The following ARID4B variants were observed in gnomAD, a reference collection of about 807,000 sequenced individuals.
ARID4B encodes AT-rich interactive domain-containing protein 4B.
Under a neutral mutation model 147.5 loss-of-function variants are expected in ARID4B, and 26 were observed. The ratio of observed to expected loss-of-function variants is 0.18; its 90% CI spans 0.13 to 0.24. The LOEUF (loss-of-function observed/expected upper bound fraction) is 0.24. ARID4B is among the 10% of genes least tolerant of loss of function. The probability of loss-of-function intolerance (pLI) is 1.00; values close to 1 mark genes in which losing one functional copy is unlikely to be tolerated. For synonymous variants in ARID4B, 512 were observed against 507.9 expected, an observed-to-expected ratio of 1.01 and a Z score of -0.11; for missense variants, 1,179 against 1,511.5, an observed-to-expected ratio of 0.78 and a Z score of 3.65.
At chr1:235,262,291 T>C (rs1386326383) in intron 2 of ARID4B, among the ~76,000 whole-genome samples, 4 of 152,176 alleles carry the variant, frequency 2.6e-5, no homozygotes, top group Non-Finnish European at 1.5e-5. Flanking sequence ...CACAATTATA[T>C]CAGACCTCCA....
At chr1:235,175,036 G>A (rs1663759167) in intron 22 of ARID4B, 148 bp downstream of exon 22, 1 of 683,156 alleles carries the variant, frequency 1.5e-6, no homozygotes, top group Non-Finnish European at 2.5e-6. Flanking sequence ...AACCCAGGAG[G>A]CTGAAGATTA....
At chr1:235,213,586 T>C (rs1571991538) in intron 17 of ARID4B, among the ~76,000 whole-genome samples, 183 bp downstream of exon 17, 2 of 152,288 alleles carry the variant, frequency 1.3e-5, no homozygotes, top group Middle Eastern at 6.8e-3. Context: ...ATCTTCTAAG[T>C]AGTGAAAACA....
intron 23 of ARID4B, among the ~76,000 whole-genome samples, chr1:235,171,813 G>A (rs375067292): frequency 1.1e-3 from 160 of 152,072 alleles, no homozygotes; most frequent in African/African-American, 3.2e-3. Flanking sequence ...CTAATTTTTT[G>A]TATTTTTTAG....
At chr1:235,288,262 T>C (rs565774018) in intron 2 of ARID4B, among the ~76,000 whole-genome samples, 1 of 152,096 alleles carries the variant, frequency 6.6e-6, no homozygotes, top group Non-Finnish European at 1.5e-5. Flanking sequence ...TAAGCTGAGA[T>C]TGCACCACTG....
chr1:235,259,565 G>A (rs1572097440), intron 3 of ARID4B, among the ~76,000 whole-genome samples: 1 of 152,326 alleles, frequency 6.6e-6, no homozygotes, highest in Non-Finnish European at 1.5e-5. Context: ...AGTGCTTGGG[G>A]AATACCAGTG....
rs757658497 is a variant in ARID4B at position 235,240,330 on chromosome 1, G to A, written c.568C>T (p.Leu190=). Residue 190 remains leucine (L), a synonymous_variant, in exon 8 of 24, where the codon CTG becomes TTG. Transcript: ENST00000264183. The stretch of plus-strand genomic sequence containing the variant: ...CTACTCACCAATGCAGGAAACCACA[G>A]TGCTTTCTTTTTATCCAAACTAATG... ...DYISLDKKKA[L]WFPALVVCPD... 1.2e-6 allele frequency: 2 copies of A among 1,613,070 alleles called. No homozygotes were observed. Among genetic ancestry groups the A allele is most frequent in the South Asian group, 1.1e-5 (1 of 90,938 alleles).
intron 6 of ARID4B, among the ~76,000 whole-genome samples, chr1:235,249,970 G>T (rs1387472804): frequency 6.6e-6 from 1 of 151,012 alleles, no homozygotes; most frequent in Non-Finnish European, 1.5e-5. Flanking sequence ...AGCCAGGCGT[G>T]GGGGCAGGTG....
At chr1:235,192,715 CCA>C (rs1481633155) in intron 19 of ARID4B, among the ~76,000 whole-genome samples, 1 of 152,176 alleles carries the variant, frequency 6.6e-6, no homozygotes, top group African/African-American at 2.4e-5. Context: ...CCCTTCCCTG[CCA>C]GTCAGATTTA....
rs769832527 is a variant in ARID4B, at chr1:235,219,831, G to A, written c.1545C>T (p.Asn515=). 8.1e-6 allele frequency: 13 copies of A among 1,602,474 alleles called. No homozygotes were observed. Among genetic ancestry groups the A allele is most frequent in the Non-Finnish European group, 1.0e-5 (12 of 1,177,298 alleles). ...TTTCTTCCTCAGCTTCTACCTTTAT[G>A]TTGAGGGATTCATCTACCCTAGTTG... ...DDTTRVDESL[N]IKVEAEEEKA... Residue 515 remains asparagine (N), a synonymous_variant, in exon 16 of 24, where the codon AAC becomes AAT. Transcript: ENST00000264183.
At chr1:235,292,364 A>G (rs1462519869) in intron 2 of ARID4B, among the ~76,000 whole-genome samples, 2 of 152,256 alleles carry the variant, frequency 1.3e-5, no homozygotes, top group Non-Finnish European at 2.9e-5. Flanking sequence ...CTGTAATCCC[A>G]GCACTTTGGG....
At chr1:235,174,542 C>A (rs1382913128) in intron 22 of ARID4B, among the ~76,000 whole-genome samples, 1 of 151,704 alleles carries the variant, frequency 6.6e-6, no homozygotes, top group Non-Finnish European at 1.5e-5. Flanking sequence ...GGCTCATGCC[C>A]AAAATCCCAG....
At chr1:235,217,443 C>T (rs1293713071) in intron 16 of ARID4B, among the ~76,000 whole-genome samples, 3 of 152,084 alleles carry the variant, frequency 2.0e-5, no homozygotes, top group Non-Finnish European at 4.4e-5. Context: ...CACTCACATA[C>T]ATACATACAT....
At chr1:235,239,859 A>C (rs1168480067) in intron 8 of ARID4B, among the ~76,000 whole-genome samples, 1 of 152,230 alleles carries the variant, frequency 6.6e-6, no homozygotes, top group Non-Finnish European at 1.5e-5. Flanking sequence ...AGAAAATTGA[A>C]GAGTGGGGTA....
intron 2 of ARID4B, among the ~76,000 whole-genome samples, chr1:235,284,556 C>T (rs556684793): frequency 6.6e-6 from 1 of 152,280 alleles, no homozygotes; most frequent in East Asian, 1.9e-4. Context: ...GGCACAGTGG[C>T]TCATGGCTAT....
intron 17 of ARID4B, among the ~76,000 whole-genome samples, chr1:235,209,928 C>T (rs751036900): frequency 6.6e-6 from 1 of 152,020 alleles, no homozygotes; most frequent in Non-Finnish European, 1.5e-5. Context: ...ATCTCTTTAC[C>T]GGAAAAACAT....
intron 22 of ARID4B, among the ~76,000 whole-genome samples, chr1:235,174,168 T>C (rs957440607): frequency 1.3e-5 from 2 of 151,686 alleles, no homozygotes; most frequent in South Asian, 4.1e-4. Context: ...GCCTCCTGAG[T>C]AGCTGGGACT....
intron 8 of ARID4B, among the ~76,000 whole-genome samples, chr1:235,239,836 C>A (rs1668872274): frequency 6.6e-6 from 1 of 152,096 alleles, no homozygotes; most frequent in Non-Finnish European, 1.5e-5. Context: ...GTAGAATTAA[C>A]AATCTACTGT....
intron 19 of ARID4B, among the ~76,000 whole-genome samples, chr1:235,189,820 C>T (rs984064682): frequency 5.3e-5 from 8 of 151,964 alleles, no homozygotes; most frequent in African/African-American, 1.7e-4. Flanking sequence ...ACAGGAAAAT[C>T]GCTTGAGCTC....
At chr1:235,238,418 A>G (rs1668763056) in intron 8 of ARID4B, among the ~76,000 whole-genome samples, 1 of 152,236 alleles carries the variant, frequency 6.6e-6, no homozygotes, top group African/African-American at 2.4e-5. Context: ...GAGACAGAGA[A>G]TAATTTTGAC....
Sources: gnomAD v4.1 joint callset for allele counts (sites outside exome capture counted in the v4.1 genomes callset) on GRCh38, gnomAD v4.1.1 for gene constraint, MANE v1.5 for transcripts, NCBI Gene and HGNC (gene_info 2026-07-23, HGNC 2026-07-21) for gene names.